VPS37B: variants seen among roughly 807,000 people sequenced by gnomAD.
The protein encoded by VPS37B is vacuolar protein sorting-associated protein 37B.
A neutral mutation model predicts 21.2 loss-of-function variants in VPS37B; 11 were observed. That is an observed-to-expected ratio of 0.52 (90% CI 0.33 to 0.86). The LOEUF (loss-of-function observed/expected upper bound fraction) is 0.86. Among genes scored for constraint, VPS37B ranks in the 40% least tolerant of loss-of-function variants. The pLI is 0.03. For missense variants in VPS37B, 389 were observed against 374.8 expected (o/e 1.04, Z -0.31); for synonymous variants, 175 against 159.6 (o/e 1.10, Z -0.73).
At chr12:122,871,908 C>A in intron 1 of VPS37B, 1 of 985,398 alleles carries the variant, frequency 1.0e-6, no homozygotes, top group Non-Finnish European at 1.2e-6. Context: ...TGGTGATCGG[C>A]TTCCTCTACC....
At chr12:122,871,555 G>C in intron 1 of VPS37B, 2 of 985,788 alleles carry the variant, frequency 2.0e-6, no homozygotes, top group Non-Finnish European at 2.4e-6. Context: ...GAGACCCTGG[G>C]AAGGAACTGT....
chr12:122,895,446 A>C (rs2034477953), intron 1 of VPS37B, among the ~76,000 whole-genome samples: 2 of 117,152 alleles, frequency 1.7e-5, no homozygotes, highest in Admixed American at 1.0e-4. Context: ...CCCCTCAGTC[A>C]CCCCTAATCC....
intron 1 of VPS37B, chr12:122,881,894 C>T (rs1000037591): frequency 3.9e-5 from 6 of 152,090 alleles, no homozygotes; most frequent in Non-Finnish European, 8.8e-5. Context: ...CTCCTAGGTT[C>T]GACAATTAGC....
In VPS37B at chr12:122,867,499, G is replaced by A. The variant is rs2033930868; in HGVS notation, c.475C>T (p.Leu159Phe). ...AHMRRVKIEK[L>F]QEMVLKGQRL... ...TGCCCCTTTAGGACCATCTCCTGGAGCTTCTCGATTTTCACCCGTCGCATG... is the reference window on the plus strand; with the variant it reads ...TGCCCCTTTAGGACCATCTCCTGGAACTTCTCGATTTTCACCCGTCGCATG... Residue 159 changes from leucine to phenylalanine, a missense_variant, in exon 4 of 4, where the codon CTC (leucine) becomes TTC (phenylalanine). Transcript: ENST00000267202. This position sits in a 1 kb window ranked among gnomAD's most constrained non-coding sequence, Gnocchi z 5.5. The A allele has an allele frequency of 6.2e-7, 1 of 1,613,942 alleles. No homozygotes were observed. Among genetic ancestry groups the A allele is most frequent in the Non-Finnish European group, 8.5e-7 (1 of 1,180,010 alleles).
At chr12:122,872,247 T>C (rs1456932519) in intron 1 of VPS37B, 2 of 985,366 alleles carry the variant, frequency 2.0e-6, no homozygotes, top group Non-Finnish European at 2.4e-6. Context: ...CCTCAGGGAA[T>C]CAGAGAACAA....
intron 1 of VPS37B, chr12:122,872,666 A>G: frequency 1.0e-6 from 1 of 985,416 alleles, no homozygotes; most frequent in African/African-American, 1.7e-5. Flanking sequence ...TCCATTGTTA[A>G]GTCATTTAAA....
At chr12:122,886,984 T>C (rs954614538) in intron 1 of VPS37B, 7 of 152,266 alleles carry the variant, frequency 4.6e-5, no homozygotes, top group African/African-American at 9.6e-5. Flanking sequence ...TTATGACTTT[T>C]GCCTCCTATC....
chr12:122,873,301 A>G (rs1248101528), intron 1 of VPS37B: 4 of 152,130 alleles, frequency 2.6e-5, no homozygotes, highest in Non-Finnish European at 5.9e-5. Context: ...TGAAACTATG[A>G]GCATCTCAAA....
At chr12:122,888,877 G>A in intron 1 of VPS37B, 2 of 278,418 alleles carry the variant, frequency 7.2e-6, no homozygotes, top group Non-Finnish European at 1.5e-5. Flanking sequence ...TTCACCCTGA[G>A]CTCCAGAACC....
chr12:122,875,984 C>T (rs1348955790), intron 1 of VPS37B: 1 of 152,168 alleles, frequency 6.6e-6, no homozygotes, highest in Non-Finnish European at 1.5e-5. Context: ...ATAGAAAAGT[C>T]TTTTCAGGAA....
At chr12:122,869,519 A>G (rs1234421970) in intron 2 of VPS37B, among the ~76,000 whole-genome samples, 1 of 152,244 alleles carries the variant, frequency 6.6e-6, no homozygotes, top group Admixed American at 6.5e-5. Context: ...TGGGTGTATG[A>G]TCGTAAATTT....
intron 1 of VPS37B, chr12:122,880,252 T>C (rs1417371810): frequency 2.0e-5 from 3 of 152,148 alleles, no homozygotes; most frequent in Non-Finnish European, 4.4e-5. Context: ...AGCTATAAAC[T>C]GGGAAACTAC....
intron 1 of VPS37B, chr12:122,878,396 A>C (rs1321012185): frequency 6.6e-6 from 1 of 152,036 alleles, no homozygotes. Context: ...AAAACAAAAC[A>C]AAACAAAAAA....
intron 1 of VPS37B, chr12:122,879,440 G>A (rs1228935344): frequency 1.3e-5 from 2 of 152,604 alleles, no homozygotes; most frequent in African/African-American, 4.8e-5. Context: ...TGCGGCTGCA[G>A]CTGGGCCAGG....
chr12:122,872,616 A>G, intron 1 of VPS37B: 1 of 984,584 alleles, frequency 1.0e-6, no homozygotes. Flanking sequence ...GCGGCTCTCC[A>G]TGGGCTTTCT....
chr12:122,893,773 C>CA (rs567265096), intron 1 of VPS37B, among the ~76,000 whole-genome samples: 16 of 149,408 alleles, frequency 1.1e-4, no homozygotes, highest in Middle Eastern at 3.4e-3. Context: ...TGGAGTCGCT[C>CA]AGGCCTCAAT....
At chr12:122,870,686 C>T (rs749578463) in intron 2 of VPS37B, 14 of 494,776 alleles carry the variant, frequency 2.8e-5, no homozygotes, top group Middle Eastern at 5.7e-4. Context: ...GCCATGGTTG[C>T]GCCACTGCAC....
chr12:122,894,280 T>C (rs1229137153), intron 1 of VPS37B, among the ~76,000 whole-genome samples: 2 of 152,168 alleles, frequency 1.3e-5, no homozygotes, highest in Non-Finnish European at 2.9e-5. Context: ...AGGTGCCACA[T>C]GGAGACCATA....
intron 1 of VPS37B, among the ~76,000 whole-genome samples, chr12:122,892,807 T>G (rs1302815344): frequency 6.6e-6 from 1 of 152,210 alleles, no homozygotes; most frequent in African/African-American, 2.4e-5. Context: ...ACGCCTTTAA[T>G]TCTAGCACTA....
Sources: allele counts gnomAD v4.1 joint callset (sites outside exome capture counted in the v4.1 genomes callset), GRCh38; gene constraint gnomAD v4.1.1; non-coding constraint Gnocchi (gnomAD v3.1); transcripts MANE v1.5; gene names NCBI Gene and HGNC (gene_info 2026-07-23, HGNC 2026-07-21).